TFCP2L1: variants seen among roughly 807,000 people sequenced by gnomAD.
TFCP2L1 encodes the protein transcription factor CP2-like protein 1.
In TFCP2L1, 12 loss-of-function variants were observed where a neutral mutation model predicts 72.2. The observed-to-expected ratio is 0.17, with a 90% confidence interval of 0.11 to 0.27. The LOEUF is 0.27. Ranked by LOEUF, TFCP2L1 falls within the 10% of genes least tolerant of loss-of-function variation. The pLI, the probability that TFCP2L1 is intolerant of heterozygous loss-of-function variation, is 1.00. For missense variants in TFCP2L1, 488 were observed against 624.6 expected, an observed-to-expected ratio of 0.78 and a Z score of 2.33; for synonymous variants, 260 against 251.0, an observed-to-expected ratio of 1.04 and a Z score of -0.34.
chr2:121,258,228 G>C (rs1686765129), intron 2 of TFCP2L1, among the ~76,000 whole-genome samples: 1 of 152,144 alleles, frequency 6.6e-6, no homozygotes, highest in African/African-American at 2.4e-5. Context: ...TGGGGAAATG[G>C]GCCCTCGCCT....
intron 2 of TFCP2L1, among the ~76,000 whole-genome samples, chr2:121,274,076 A>T (rs35462584): frequency 0.011 from 1,701 of 150,288 alleles, 40 homozygotes; most frequent in African/African-American, 0.04. Context: ...CCTGGGCAGC[A>T]GAGCGAGACT....
At chr2:121,234,682 C>T (rs1383558464) in intron 11 of TFCP2L1, among the ~76,000 whole-genome samples, 1 of 152,242 alleles carries the variant, frequency 6.6e-6, no homozygotes, top group East Asian at 1.9e-4. Flanking sequence ...AACTTAAATT[C>T]ACTAAAGTTA....
intron 8 of TFCP2L1, among the ~76,000 whole-genome samples, chr2:121,239,163 G>C (rs1437373771): frequency 6.6e-6 from 1 of 152,138 alleles, no homozygotes; most frequent in African/African-American, 2.4e-5. Context: ...GAGGACCCTA[G>C]CCAGACCCTC....
At chr2:121,257,088 AG>A (rs1248047182) in intron 2 of TFCP2L1, among the ~76,000 whole-genome samples, 7 of 152,202 alleles carry the variant, frequency 4.6e-5, no homozygotes, top group Non-Finnish European at 1.0e-4. Context: ...AGGCTGTTAA[AG>A]GCCATTTAAA....
At chr2:121,266,398 A>G (rs1167864577) in intron 2 of TFCP2L1, among the ~76,000 whole-genome samples, 1 of 152,152 alleles carries the variant, frequency 6.6e-6, no homozygotes, top group Non-Finnish European at 1.5e-5. Flanking sequence ...TCCATAATGT[A>G]CCATATAAAT....
intron 7 of TFCP2L1, chr2:121,240,122 T>C (rs750416): frequency 0.54 from 532,810 of 984,774 alleles, 146,398 homozygotes; most frequent in East Asian, 0.57. Context: ...GAAAAAAGAA[T>C]CTGCTGACAG....
rs1371416522 is a variant in TFCP2L1, at chr2:121,249,654, G to A, written c.215-7C>T. On this transcript the variant is annotated splice_polypyrimidine_tract_variant and splice_region_variant and intron_variant, in intron 2 of 14. Transcript: ENST00000263707. ...CGGATTTCATAAGACTGACCTGGAT[G>A]GGGGTTAAAAGGACATTTTCCATTT... 5.6e-6 allele frequency: 9 copies of A among 1,613,884 alleles called. No individual in the cohort carries two copies. The East Asian group carries it at 2.0e-4, about 36-fold the overall frequency.
At position 121,222,867 on chromosome 2, in the gene TFCP2L1, ACT is replaced by A. The variant is rs1685953042; in HGVS notation, c.*1472_*1473del. On this transcript the variant is annotated 3_prime_UTR_variant, in exon 15 of 15. Transcript: ENST00000263707. ...GAAGAGGAATCAGGAGCCTGTCCTC[ACT>A]CTGTTCTGTAGGAATGCCACGGCTA... 6.6e-6 allele frequency: 1 copy of A among 152,074 alleles called. No homozygotes were observed. Among genetic ancestry groups the A allele is most frequent in the East Asian group, 1.9e-4 (1 of 5,190 alleles). 9.4% of individuals were successfully genotyped at this position (152,074 alleles called of 1,614,324 possible).
At chr2:121,258,804 C>A (rs1558740066) in intron 2 of TFCP2L1, among the ~76,000 whole-genome samples, 1 of 152,134 alleles carries the variant, frequency 6.6e-6, no homozygotes, top group Non-Finnish European at 1.5e-5. Flanking sequence ...TGCTACGGGA[C>A]ATCAGAACAA....
intron 2 of TFCP2L1, among the ~76,000 whole-genome samples, chr2:121,279,861 C>A (rs1368441630): frequency 6.6e-6 from 1 of 152,168 alleles, no homozygotes; most frequent in African/African-American, 2.4e-5. Flanking sequence ...GACACACAGT[C>A]CTTTGCTCAT....
intron 2 of TFCP2L1, among the ~76,000 whole-genome samples, chr2:121,265,959 G>A (rs544108648): frequency 5.8e-4 from 87 of 151,206 alleles, no homozygotes; most frequent in Non-Finnish European, 1.2e-3. Context: ...TCGACCTCCG[G>A]GGTTGAAGCG....
intron 2 of TFCP2L1, among the ~76,000 whole-genome samples, chr2:121,271,044 G>T (rs1428903436): frequency 4.0e-5 from 6 of 151,814 alleles, no homozygotes; most frequent in Admixed American, 1.3e-4. Flanking sequence ...ACAAAAATTG[G>T]CTGGGCATGA....
chr2:121,263,916 T>C (rs1021913366), intron 2 of TFCP2L1, among the ~76,000 whole-genome samples: 3 of 152,066 alleles, frequency 2.0e-5, no homozygotes, highest in Admixed American at 6.6e-5. Context: ...ACCAAGTAAA[T>C]GCATTAACTT....
At chr2:121,247,105 C>T (rs1389192419) in intron 5 of TFCP2L1, 135 bp from the exon 6 acceptor site, 5 of 1,050,776 alleles carry the variant, frequency 4.8e-6, no homozygotes, top group Non-Finnish European at 6.9e-6. Flanking sequence ...CCCTGCTTTC[C>T]CTGACACTCT....
intron 2 of TFCP2L1, among the ~76,000 whole-genome samples, chr2:121,256,583 C>T (rs376319994): frequency 6.6e-6 from 1 of 152,116 alleles, no homozygotes; most frequent in South Asian, 2.1e-4. Flanking sequence ...TCGAAACCAT[C>T]CTGGCCAACA....
rs1687340682 is a variant in TFCP2L1 at position 121,285,070 on chromosome 2, G to A, written c.40C>T (p.His14Tyr). The A allele has an allele frequency of 1.3e-6, 2 of 1,523,906 alleles. No individual in the cohort carries two copies. The highest frequency in any genetic ancestry group is 1.8e-6 in the Non-Finnish European group (2 of 1,138,484). 94.4% of individuals were successfully genotyped at this position (1,523,906 alleles called of 1,614,324 possible). A position where few individuals can be genotyped will look rare whatever the true frequency, so the allele number is the denominator to read the frequency against. Reference sequence around the variant, plus strand: ...TACCGCAGGTAGCTGCCGGAGTTGTGCTGGTTGTAGTGCTCGGGCTGCGTG... The same window carrying A: ...TACCGCAGGTAGCTGCCGGAGTTGTACTGGTTGTAGTGCTCGGGCTGCGTG... ...WHTQPEHYNQ[H>Y]NSGSYLRDVL... Residue 14 changes from histidine to tyrosine, a missense_variant, in exon 1 of 15, where the codon CAC (histidine) becomes TAC (tyrosine). Around this residue, in one of 3 missense-constraint regions of TFCP2L1, gnomAD observed 73 missense variants for 59.7 expected, o/e 1.22. Transcript: ENST00000263707.
rs13002103 is a variant in TFCP2L1, at chr2:121,285,041, C to T, written c.62+7G>A. On this transcript the variant is annotated splice_region_variant and intron_variant, in intron 1 of 14. Coordinates refer to ENST00000263707, the MANE Select transcript of TFCP2L1 (RefSeq NM_014553.3). ...CGAGACCCGCGGGGACCGCGCGCGGCCCTTACCGCAGGTAGCTGCCGGAGT... is the reference window on the plus strand; with the variant it reads ...CGAGACCCGCGGGGACCGCGCGCGGTCCTTACCGCAGGTAGCTGCCGGAGT... 14 of 1,497,922 alleles carry T rather than the reference C, an allele frequency of 9.3e-6. No individual in the cohort carries two copies. Among genetic ancestry groups the T allele is most frequent in the African/African-American group, 1.4e-5 (1 of 69,336 alleles). 92.8% of individuals were successfully genotyped at this position (1,497,922 alleles called of 1,614,324 possible). A position where few individuals can be genotyped will look rare whatever the true frequency, so the allele number is the denominator to read the frequency against.
At chr2:121,258,999 G>A (rs930838759) in intron 2 of TFCP2L1, among the ~76,000 whole-genome samples, 1 of 152,154 alleles carries the variant, frequency 6.6e-6, no homozygotes, top group African/African-American at 2.4e-5. Flanking sequence ...TATAATCCCA[G>A]CACTTTGGGA....
At chr2:121,247,070 G>A (rs1686503656) in intron 5 of TFCP2L1, 100 bp from the exon 6 acceptor site, 1 of 1,421,576 alleles carries the variant, frequency 7.0e-7, no homozygotes, top group Non-Finnish European at 9.6e-7. Flanking sequence ...TTCCCTGCTT[G>A]GTCAGTGCAG....
Sources: allele counts gnomAD v4.1 joint callset (sites outside exome capture counted in the v4.1 genomes callset), GRCh38; gene constraint gnomAD v4.1.1; regional missense constraint gnomAD v4.1.1; transcripts MANE v1.5; gene names NCBI Gene and HGNC (gene_info 2026-07-23, HGNC 2026-07-21).